The following ADCY1 variants were observed in gnomAD, a reference collection of about 807,000 sequenced individuals.
The protein encoded by ADCY1 is adenylate cyclase 1.
ADCY1 carries 28 observed loss-of-function variants against 105.4 expected under a neutral mutation model. The ratio of observed to expected loss-of-function variants is 0.27; its 90% CI spans 0.20 to 0.36. The LOEUF (loss-of-function observed/expected upper bound fraction) is 0.36, where lower values mean the gene tolerates loss of function less well. Ranked by LOEUF, ADCY1 falls within the 10% of genes least tolerant of loss-of-function variation. The pLI is 1.00. For synonymous variants in ADCY1, 655 were observed against 623.8 expected, an observed-to-expected ratio of 1.05 and a Z score of -0.75; for missense variants, 977 against 1,434.2, an observed-to-expected ratio of 0.68 and a Z score of 5.15.
At chr7:45,610,993 A>C (rs1414516610) in intron 3 of ADCY1, among the ~76,000 whole-genome samples, 1 of 123,122 alleles carries the variant, frequency 8.1e-6, no homozygotes, top group Non-Finnish European at 1.7e-5. Flanking sequence ...GTGATAGTGG[A>C]AGTGTGGAGG....
At chr7:45,627,392 T>G (rs1794092131) in intron 4 of ADCY1, among the ~76,000 whole-genome samples, 1 of 152,220 alleles carries the variant, frequency 6.6e-6, no homozygotes, top group African/African-American at 2.4e-5. Flanking sequence ...CAGCTAACCC[T>G]ACTCATTCAT....
intron 4 of ADCY1, among the ~76,000 whole-genome samples, chr7:45,648,060 G>A (rs898561385): frequency 1.3e-5 from 2 of 152,214 alleles, no homozygotes; most frequent in Non-Finnish European, 2.9e-5. Flanking sequence ...CACCTTCCAT[G>A]TGCCCTGTGA....
chr7:45,674,830 T>C (rs1002364551), intron 8 of ADCY1, among the ~76,000 whole-genome samples: 3 of 152,230 alleles, frequency 2.0e-5, no homozygotes, highest in Non-Finnish European at 2.9e-5. Context: ...TGCTCTGATA[T>C]CTACTTTTTC....
At chr7:45,657,448 A>G (rs1794971821) in intron 5 of ADCY1, among the ~76,000 whole-genome samples, 1 of 152,206 alleles carries the variant, frequency 6.6e-6, no homozygotes, top group Admixed American at 6.5e-5. Context: ...GCCCTCTAGG[A>G]GGCCATGAAT....
intron 4 of ADCY1, among the ~76,000 whole-genome samples, chr7:45,641,553 A>G (rs1297489642): frequency 2.6e-5 from 4 of 152,102 alleles, no homozygotes; most frequent in African/African-American, 9.7e-5. Flanking sequence ...CCACGATACC[A>G]TTATCATACC....
chr7:45,582,763 C>G (rs114439185), intron 1 of ADCY1, among the ~76,000 whole-genome samples: 323 of 152,334 alleles, frequency 2.1e-3, no homozygotes, highest in African/African-American at 7.1e-3. Flanking sequence ...GGGGTCCCAT[C>G]TGTCCTCCTA....
chr7:45,714,216 T>A lies in ADCY1; in HGVS notation c.*221T>A. The A allele has an allele frequency of 1.7e-6, 1 of 574,798 alleles. No individual in the cohort carries two copies. The highest frequency in any genetic ancestry group is 3.1e-6 in the Non-Finnish European group (1 of 323,702). The allele number at this position is 574,798 out of a possible 1,614,324, so 35.6% of individuals were successfully genotyped here. A position where few individuals can be genotyped will look rare whatever the true frequency, so the allele number is the denominator to read the frequency against. ...TCGGTGAGGGGAGGACACCCGACTGTGCACACTTCCAGGCCTCCCTGGAGA... is the reference window on the plus strand; with the variant it reads ...TCGGTGAGGGGAGGACACCCGACTGAGCACACTTCCAGGCCTCCCTGGAGA... On this transcript the variant is annotated 3_prime_UTR_variant, in exon 20 of 20. Coordinates refer to ENST00000297323, the MANE Select transcript of ADCY1 (RefSeq NM_021116.4).
intron 8 of ADCY1, chr7:45,664,214 T>C: frequency 7.2e-7 from 1 of 1,398,172 alleles, no homozygotes; most frequent in Non-Finnish European, 9.8e-7. Context: ...CTAGGAGAAG[T>C]TTCAGAGCCT....
At position 45,692,054 on chromosome 7, in the gene ADCY1, A is replaced by G. The variant is rs1784794544; in HGVS notation, c.2454+5381A>G. ...CTGGCCTTTGGGTGAGTACATCCTC[A>G]CAAACAGCTTTTATGGAGGGACAGA... On this transcript the variant is annotated intron_variant, in intron 14 of 19. Coordinates refer to ENST00000297323, the MANE Select transcript of ADCY1 (RefSeq NM_021116.4). Among the ~76,000 whole-genome samples the G allele has an allele frequency of 2.6e-5, 4 of 152,232 alleles. No individual in the cohort carries two copies. In the South Asian group the frequency reaches 8.3e-4, roughly 31 times the overall value.
chr7:45,686,282 TGCACTA>T lies in ADCY1; in HGVS notation c.2327+68_2327+73del. On this transcript the variant is annotated intron_variant, in intron 13 of 19. Coordinates refer to ENST00000297323, the MANE Select transcript of ADCY1 (RefSeq NM_021116.4). The surrounding 1 kb of genome is among the most constrained non-coding windows in gnomAD (Gnocchi z 4.3). ...GCTACTGAATCTGTGTATACAGATA[TGCACTA>T]CAGGCTTCTGAGTCCAGAACTAGTC... The T allele has an allele frequency of 6.5e-7, 1 of 1,546,280 alleles. No individual in the cohort carries two copies. Among genetic ancestry groups the T allele is most frequent in the Non-Finnish European group, 8.8e-7 (1 of 1,139,644 alleles).
rs1001385382 is a variant in ADCY1, at chr7:45,658,760, A to G, written c.1307+875A>G. Reference sequence around the variant, plus strand: ...GAGACTGTGGTGACTGGAAGTTTCCAGACAGCCTCGGTGACCGTTGTAGTT... The same window carrying G: ...GAGACTGTGGTGACTGGAAGTTTCCGGACAGCCTCGGTGACCGTTGTAGTT... On this transcript the variant is annotated intron_variant, in intron 6 of 19. Transcript: ENST00000297323. Among the ~76,000 whole-genome samples, 9 of 152,374 alleles carry G rather than the reference A, an allele frequency of 5.9e-5. No homozygotes were observed. In the South Asian group the frequency reaches 8.3e-4, roughly 14 times the overall value.
intron 4 of ADCY1, among the ~76,000 whole-genome samples, chr7:45,638,446 C>G (rs976083082): frequency 6.7e-6 from 1 of 149,206 alleles, no homozygotes; most frequent in African/African-American, 2.5e-5. Flanking sequence ...AGGTAACTGC[C>G]TGAAAGTTCA....
At chr7:45,595,150 T>G (rs756951374) in intron 2 of ADCY1, among the ~76,000 whole-genome samples, 7 of 152,240 alleles carry the variant, frequency 4.6e-5, no homozygotes, top group Non-Finnish European at 1.0e-4. Flanking sequence ...TTCTGAGGTA[T>G]TTTCCCAAAC....
At chr7:45,642,332 G>T (rs1794548615) in intron 4 of ADCY1, among the ~76,000 whole-genome samples, 1 of 152,228 alleles carries the variant, frequency 6.6e-6, no homozygotes, top group African/African-American at 2.4e-5. Context: ...CTGGCCAGGG[G>T]GTGATTTAGG....
intron 4 of ADCY1, among the ~76,000 whole-genome samples, chr7:45,630,546 G>T (rs1376721891): frequency 6.6e-6 from 1 of 152,156 alleles, no homozygotes; most frequent in Non-Finnish European, 1.5e-5. Context: ...TACATCTTCT[G>T]TTGGCTGTTG....
chr7:45,636,790 C>G (rs991919269), intron 4 of ADCY1, among the ~76,000 whole-genome samples: 4 of 152,262 alleles, frequency 2.6e-5, no homozygotes, highest in Admixed American at 1.3e-4. Context: ...ATCCGCCTGC[C>G]TCAGCCTCCC....
chr7:45,713,314 G>C (rs1467977876), intron 19 of ADCY1, among the ~76,000 whole-genome samples: 12 of 152,192 alleles, frequency 7.9e-5, no homozygotes, highest in Admixed American at 2.0e-4. Context: ...CCTGGTGCTA[G>C]GTCCCTACAA....
chr7:45,653,155 T>C lies in ADCY1; in HGVS notation c.1148+4358T>C, dbSNP rs79213408. Among the ~76,000 whole-genome samples the C allele has an allele frequency of 5.4e-3, 823 of 152,346 alleles. 4 individuals are homozygous for C. Among genetic ancestry groups the C allele is most frequent in the African/African-American group, 0.019 (772 of 41,582 alleles). On this transcript the variant is annotated intron_variant, in intron 5 of 19. Transcript: ENST00000297323. ...GATGAAGATGGGATGAGAAGTATCCTAACTGTCCAGTGAGTTTGGTGACTG... is the reference window on the plus strand; with the variant it reads ...GATGAAGATGGGATGAGAAGTATCCCAACTGTCCAGTGAGTTTGGTGACTG...
intron 4 of ADCY1, among the ~76,000 whole-genome samples, chr7:45,630,656 C>T (rs76169074): frequency 0.028 from 4,312 of 152,160 alleles, 82 homozygotes; most frequent in African/African-American, 0.049. Flanking sequence ...TTTCCCCCTC[C>T]CTCCCTCTCT....
Sources: allele counts gnomAD v4.1 joint callset (sites outside exome capture counted in the v4.1 genomes callset), GRCh38; gene constraint gnomAD v4.1.1; non-coding constraint Gnocchi (gnomAD v3.1); transcripts MANE v1.5; gene names NCBI Gene and HGNC (gene_info 2026-07-23, HGNC 2026-07-21).